TUSC3: variants seen among roughly 807,000 people sequenced by gnomAD.
TUSC3 encodes tumor suppressor candidate 3, also known as dolichyl-diphosphooligosaccharide--protein glycosyltransferase subunit TUSC3.
Under a neutral mutation model 44.8 loss-of-function variants are expected in TUSC3, and 45 were observed. The observed-to-expected ratio is 1.00, with a 90% confidence interval of 0.79 to 1.29. The LOEUF (loss-of-function observed/expected upper bound fraction) is 1.29. Among genes scored for constraint, TUSC3 ranks in the 50% most tolerant of loss-of-function variants. The probability of loss-of-function intolerance (pLI) is 0.00; values close to 1 mark genes in which losing one functional copy is unlikely to be tolerated. For missense variants in TUSC3, 519 were observed against 437.9 expected (o/e 1.19, Z -1.65); for synonymous variants, 212 against 152.9 (o/e 1.39, Z -2.85).
chr8:15,653,370 AT>A (rs1172304296), intron 3 of TUSC3, among the ~76,000 whole-genome samples: 4 of 152,068 alleles, frequency 2.6e-5, no homozygotes, highest in African/African-American at 9.7e-5. Context: ...GTTAATTCAT[AT>A]TTTTTTTTAA....
At chr8:15,793,172 C>T in the TUSC3 span, among the ~76,000 whole-genome samples, 1 of 152,176 alleles carries the variant, frequency 6.6e-6, no homozygotes, top group South Asian at 2.1e-4. Context: ...CTGACATATG[C>T]TCTCCTGTCT....
chr8:15,571,970 T>C (rs952992242), intron 1 of TUSC3, among the ~76,000 whole-genome samples: 4 of 152,158 alleles, frequency 2.6e-5, no homozygotes, highest in Admixed American at 2.6e-4. Context: ...GTTCCATTTA[T>C]AGAGCACAGG....
intron 1 of TUSC3, among the ~76,000 whole-genome samples, chr8:15,545,909 G>C (rs1210261644): frequency 6.6e-6 from 1 of 151,682 alleles, no homozygotes; most frequent in African/African-American, 2.4e-5. Flanking sequence ...GACTATCTCA[G>C]ACTATCAGAT....
intron 1 of TUSC3, among the ~76,000 whole-genome samples, chr8:15,585,113 A>G (rs768361610): frequency 6.6e-6 from 1 of 152,164 alleles, no homozygotes; most frequent in Non-Finnish European, 1.5e-5. Context: ...TACTGCTACT[A>G]TGTTAGAAAT....
intron 2 of TUSC3, among the ~76,000 whole-genome samples, chr8:15,509,207 G>C (rs1035719195): frequency 6.6e-6 from 1 of 152,226 alleles, no homozygotes; most frequent in Non-Finnish European, 1.5e-5. Context: ...GCAAATATTG[G>C]AGATGATAGT....
the TUSC3 span, among the ~76,000 whole-genome samples, chr8:15,845,419 G>A: frequency 2.0e-5 from 3 of 152,120 alleles, no homozygotes; most frequent in Admixed American, 6.6e-5. Context: ...ACATGCATAT[G>A]TGCATGTTTT....
At chr8:15,688,013 G>C (rs1808714735) in intron 6 of TUSC3, among the ~76,000 whole-genome samples, 1 of 151,976 alleles carries the variant, frequency 6.6e-6, no homozygotes, top group Non-Finnish European at 1.5e-5. Context: ...GAGGAGAAAG[G>C]ATAAGAACAA....
the TUSC3 span, among the ~76,000 whole-genome samples, chr8:15,828,099 A>T: frequency 6.6e-6 from 1 of 150,686 alleles, no homozygotes; most frequent in East Asian, 2.0e-4. Context: ...GGTTCAAGCA[A>T]CTCTCCTGCC....
intron 1 of TUSC3, among the ~76,000 whole-genome samples, chr8:15,455,085 C>G (rs1297385197): frequency 6.6e-6 from 1 of 152,104 alleles, no homozygotes; most frequent in Non-Finnish European, 1.5e-5. Context: ...AGGAGCCAGC[C>G]TCAAAGGGCA....
the TUSC3 span, among the ~76,000 whole-genome samples, chr8:15,802,957 C>T: frequency 3.2e-3 from 482 of 151,976 alleles, 15 homozygotes; most frequent in Admixed American, 0.027. Flanking sequence ...GCAATAACTG[C>T]GGCATAAAAA....
At chr8:15,736,798 G>A (rs1259275888) in intron 7 of TUSC3, among the ~76,000 whole-genome samples, 9 of 152,076 alleles carry the variant, frequency 5.9e-5, no homozygotes. Context: ...ATTTCAACCA[G>A]ATCAAATTAG....
chr8:15,688,912 A>G, intron 6 of TUSC3: 1 of 172,274 alleles, frequency 5.8e-6, no homozygotes, highest in South Asian at 1.4e-4. Context: ...GCGGTTTGTC[A>G]GTGCACCAGG....
intron 1 of TUSC3, among the ~76,000 whole-genome samples, chr8:15,602,426 G>T (rs989521272): frequency 6.6e-6 from 1 of 151,334 alleles, no homozygotes; most frequent in Non-Finnish European, 1.5e-5. Flanking sequence ...TATCAAATGG[G>T]TTGTACTTTT....
intron 5 of TUSC3, among the ~76,000 whole-genome samples, chr8:15,667,880 T>C (rs545893142): frequency 6.6e-6 from 1 of 151,884 alleles, no homozygotes; most frequent in Admixed American, 6.6e-5. Flanking sequence ...CGTGAACATC[T>C]TGACCCTTTG....
intron 1 of TUSC3, among the ~76,000 whole-genome samples, chr8:15,464,837 C>T (rs1030383873): frequency 2.0e-5 from 3 of 152,058 alleles, no homozygotes; most frequent in Non-Finnish European, 4.4e-5. Flanking sequence ...CTGATAACTT[C>T]TTGGAATCCT....
At chr8:15,463,903 G>C (rs546374053) in intron 1 of TUSC3, among the ~76,000 whole-genome samples, 2 of 152,220 alleles carry the variant, frequency 1.3e-5, no homozygotes, top group South Asian at 2.1e-4. Context: ...TCCCATAGAG[G>C]TTTACTTGCC....
chr8:15,418,178 A>G (rs1799684056), intron 1 of TUSC3, among the ~76,000 whole-genome samples: 1 of 152,236 alleles, frequency 6.6e-6, no homozygotes, highest in African/African-American at 2.4e-5. Context: ...GTAATTCATC[A>G]TTAAATGTGT....
chr8:15,652,238 G>C (rs756770060), intron 3 of TUSC3, among the ~76,000 whole-genome samples: 19 of 152,170 alleles, frequency 1.2e-4, no homozygotes, highest in Non-Finnish European at 2.6e-4. Context: ...TGCTTACCAG[G>C]TCATGGAAAA....
intron 2 of TUSC3, among the ~76,000 whole-genome samples, chr8:15,508,167 G>T (rs1801083210): frequency 6.6e-6 from 1 of 152,142 alleles, no homozygotes; most frequent in East Asian, 1.9e-4. Flanking sequence ...ATGAATCCGG[G>T]AGGCAGAGGT....
Sources: gnomAD v4.1 joint callset for allele counts (sites outside exome capture counted in the v4.1 genomes callset) on GRCh38, gnomAD v4.1.1 for gene constraint, MANE v1.5 for transcripts, NCBI Gene and HGNC (gene_info 2026-07-23, HGNC 2026-07-21) for gene names.